PARD3B: variants seen among roughly 807,000 people sequenced by gnomAD.
PARD3B encodes the protein partitioning defective 3 homolog B.
PARD3B carries 103 observed loss-of-function variants against 130.2 expected under a neutral mutation model. The ratio of observed to expected loss-of-function variants is 0.79; its 90% CI spans 0.67 to 0.93. The LOEUF (loss-of-function observed/expected upper bound fraction) is 0.93, where lower values mean the gene tolerates loss of function less well. PARD3B is among the 40% of genes least tolerant of loss of function. The probability of loss-of-function intolerance (pLI) is 0.00; values close to 1 mark genes in which losing one functional copy is unlikely to be tolerated. For synonymous variants in PARD3B, 583 were observed against 553.2 expected (o/e 1.05, Z -0.76); for missense variants, 1,609 against 1,499.2 (o/e 1.07, Z -1.21).
At chr2:204,733,794 A>C (rs1238544802) in intron 2 of PARD3B, among the ~76,000 whole-genome samples, 1 of 151,970 alleles carries the variant, frequency 6.6e-6, no homozygotes, top group South Asian at 2.1e-4. Flanking sequence ...GGGAAAGGAC[A>C]GTCTGATCAG....
At chr2:204,651,115 C>T (rs893035635) in intron 1 of PARD3B, among the ~76,000 whole-genome samples, 1 of 152,182 alleles carries the variant, frequency 6.6e-6, no homozygotes, top group Non-Finnish European at 1.5e-5. Context: ...TGCCAAATCT[C>T]ATGTCCTTCT....
intron 15 of PARD3B, among the ~76,000 whole-genome samples, chr2:205,207,686 A>T (rs2037395672): frequency 7.1e-6 from 1 of 140,456 alleles, no homozygotes; most frequent in African/African-American, 2.8e-5. Flanking sequence ...TGAATCTCTG[A>T]ATAGACCAAT....
chr2:205,166,347 T>A (rs1318630371), intron 11 of PARD3B, among the ~76,000 whole-genome samples: 1 of 152,114 alleles, frequency 6.6e-6, no homozygotes, highest in East Asian at 1.9e-4. Flanking sequence ...GTAAGTAGAC[T>A]TTGAAGAGGT....
chr2:204,739,754 A>G (rs897707054), intron 2 of PARD3B, among the ~76,000 whole-genome samples: 1 of 151,954 alleles, frequency 6.6e-6, no homozygotes, highest in Non-Finnish European at 1.5e-5. Flanking sequence ...GCCTGGCCTC[A>G]TTATGTCTAT....
chr2:204,949,945 T>C (rs1228831856), intron 2 of PARD3B, among the ~76,000 whole-genome samples: 1 of 152,186 alleles, frequency 6.6e-6, no homozygotes, highest in African/African-American at 2.4e-5. Flanking sequence ...AGATACAAGA[T>C]ACTGTCCAAG....
At chr2:204,738,878 C>T (rs2039873926) in intron 2 of PARD3B, among the ~76,000 whole-genome samples, 1 of 152,124 alleles carries the variant, frequency 6.6e-6, no homozygotes, top group Admixed American at 6.6e-5. Context: ...TTAGATGAGA[C>T]CTACTAAATA....
chr2:204,796,044 A>G (rs1021036092), intron 2 of PARD3B, among the ~76,000 whole-genome samples: 3 of 152,256 alleles, frequency 2.0e-5, no homozygotes, highest in African/African-American at 7.2e-5. Context: ...AACTTCAAAT[A>G]GAACAGAAGG....
intron 1 of PARD3B, among the ~76,000 whole-genome samples, chr2:204,629,359 A>G (rs557791678): frequency 6.6e-6 from 1 of 152,004 alleles, no homozygotes; most frequent in Non-Finnish European, 1.5e-5. Context: ...GCTTTTCTGT[A>G]TTTGTGTGAA....
intron 20 of PARD3B, among the ~76,000 whole-genome samples, chr2:205,459,829 G>A (rs1425776638): frequency 6.6e-6 from 1 of 152,168 alleles, no homozygotes; most frequent in African/African-American, 2.4e-5. Flanking sequence ...ACAGAAAATA[G>A]CTAATCTGGT....
chr2:205,575,116 C>T lies in PARD3B; in HGVS notation c.3260+21713C>T, dbSNP rs575014080. On this transcript the variant is annotated intron_variant, in intron 22 of 22. Transcript: ENST00000406610. This position sits in a 1 kb window ranked among gnomAD's most constrained non-coding sequence, Gnocchi z 4.6. ...ACACACACACACACACACACACACG[C>T]GTACACTATATATAAAAATATATTT... Among the ~76,000 whole-genome samples the T allele has an allele frequency of 4.5e-4, 53 of 117,594 alleles. No homozygotes were observed. The highest frequency in any genetic ancestry group is 8.3e-4 in the South Asian group (3 of 3,622). The allele number at this position is 117,594 out of a possible 152,430, so 77.1% of individuals were successfully genotyped here.
At chr2:205,360,707 C>T (rs1396024556) in intron 18 of PARD3B, among the ~76,000 whole-genome samples, 5 of 152,120 alleles carry the variant, frequency 3.3e-5, no homozygotes, top group African/African-American at 1.2e-4. Context: ...CTGCCCAGGT[C>T]TGAATCCCAG....
rs1250157070 is a variant in PARD3B, at chr2:205,458,338, T to C, written c.3044+17666T>C. 6.6e-6 allele frequency among the ~76,000 whole-genome samples: 1 copy of C among 152,004 alleles called. No homozygotes were observed. Among genetic ancestry groups the C allele is most frequent in the Non-Finnish European group, 1.5e-5 (1 of 67,960 alleles). ...CTGTCTTTCTCTCTCTCTCCCTTCC[T>C]TCTGGGATCCAATAAAGCAAAAATA... On this transcript the variant is annotated intron_variant, in intron 20 of 22. Coordinates refer to ENST00000406610, the MANE Select transcript of PARD3B (RefSeq NM_001302769.2). The surrounding 1 kb of genome is among the most constrained non-coding windows in gnomAD (Gnocchi z 4.8).
intron 1 of PARD3B, among the ~76,000 whole-genome samples, chr2:204,548,647 C>G (rs968622174): frequency 6.6e-6 from 1 of 152,150 alleles, no homozygotes; most frequent in Non-Finnish European, 1.5e-5. Context: ...CTACTAACTG[C>G]TATATCACAT....
At chr2:205,068,086 A>C (rs944635591) in intron 4 of PARD3B, among the ~76,000 whole-genome samples, 1 of 152,066 alleles carries the variant, frequency 6.6e-6, no homozygotes. Context: ...TATCTGAAGC[A>C]ATTTGTGTTT....
chr2:204,645,967 T>C (rs2035256917), intron 1 of PARD3B, among the ~76,000 whole-genome samples: 1 of 152,098 alleles, frequency 6.6e-6, no homozygotes, highest in Admixed American at 6.6e-5. Flanking sequence ...TAAGGATGCT[T>C]TCTACTTCTA....
chr2:205,422,186 G>A (rs555092245), intron 19 of PARD3B, among the ~76,000 whole-genome samples: 2 of 152,274 alleles, frequency 1.3e-5, no homozygotes, highest in South Asian at 2.1e-4. Flanking sequence ...ACAAGAAGTC[G>A]ATTTCAGACA....
At chr2:204,945,352 G>A (rs1260720801) in intron 2 of PARD3B, among the ~76,000 whole-genome samples, 6 of 152,188 alleles carry the variant, frequency 3.9e-5, no homozygotes, top group Admixed American at 3.9e-4. Flanking sequence ...CTGCATACTT[G>A]TATAAGTCAG....
intron 3 of PARD3B, among the ~76,000 whole-genome samples, chr2:205,022,075 AGATTT>A (rs996054374): frequency 3.3e-5 from 5 of 152,184 alleles, no homozygotes; most frequent in Admixed American, 2.6e-4. Context: ...TTCATTGCTT[AGATTT>A]AACAATACAA....
At chr2:205,107,899 C>G (rs912681433) in intron 5 of PARD3B, among the ~76,000 whole-genome samples, 6 of 152,122 alleles carry the variant, frequency 3.9e-5, no homozygotes, top group African/African-American at 1.4e-4. Flanking sequence ...AAATAGCAAG[C>G]AATATGTACA....
Sources: allele counts gnomAD v4.1 joint callset (sites outside exome capture counted in the v4.1 genomes callset), GRCh38; gene constraint gnomAD v4.1.1; non-coding constraint Gnocchi (gnomAD v3.1); transcripts MANE v1.5; gene names NCBI Gene and HGNC (gene_info 2026-07-23, HGNC 2026-07-21).